CTNNA3: variants seen among roughly 807,000 people sequenced by gnomAD.
The protein encoded by CTNNA3 is catenin alpha-3.
CTNNA3 carries 76 observed loss-of-function variants against 95.7 expected under a neutral mutation model. That is an observed-to-expected ratio of 0.79 (90% CI 0.66 to 0.96). The LOEUF is 0.96. CTNNA3 is among the 40% of genes least tolerant of loss of function. CTNNA3 has a pLI of 0.00. For missense variants in CTNNA3, 1,191 were observed against 1,089.8 expected (o/e 1.09, Z -1.31); for synonymous variants, 431 against 374.4 (o/e 1.15, Z -1.74).
intron 13 of CTNNA3, among the ~76,000 whole-genome samples, chr10:66,207,535 CT>C (rs1189249872): frequency 6.6e-6 from 1 of 151,988 alleles, no homozygotes. Context: ...TAGCCATATT[CT>C]TTGCTCTCAT....
chr10:66,432,268 C>T (rs924107818), intron 11 of CTNNA3, among the ~76,000 whole-genome samples: 1 of 152,028 alleles, frequency 6.6e-6, no homozygotes, highest in African/African-American at 2.4e-5. Flanking sequence ...AGAAGAAAGC[C>T]ACAATTAAAT....
At chr10:67,296,524 T>A (rs1456806249) in intron 5 of CTNNA3, among the ~76,000 whole-genome samples, 8 of 152,210 alleles carry the variant, frequency 5.3e-5, no homozygotes, top group Non-Finnish European at 1.2e-4. Context: ...CAAATCAATA[T>A]TTGGACTTTG....
At chr10:67,727,163 A>ATATGATACATATATTATATAATTAT (rs1564841630) in intron 1 of CTNNA3, among the ~76,000 whole-genome samples, 2 of 122,632 alleles carry the variant, frequency 1.6e-5, no homozygotes, top group African/African-American at 6.5e-5. Context: ...AATTATATAT[A>ATATGATACATATATTATATAATTAT]ATATATGATA....
intron 3 of CTNNA3, among the ~76,000 whole-genome samples, chr10:67,567,244 T>C (rs1456552791): frequency 7.1e-6 from 1 of 141,484 alleles, no homozygotes; most frequent in Non-Finnish European, 1.5e-5. Context: ...AAATAAGAAA[T>C]GAGAAAATGG....
intron 2 of CTNNA3, among the ~76,000 whole-genome samples, chr10:67,619,304 C>T (rs752851153): frequency 7.4e-4 from 113 of 152,184 alleles, no homozygotes; most frequent in Non-Finnish European, 1.1e-3. Flanking sequence ...GAACCCAATA[C>T]CAAATCCATA....
intron 5 of CTNNA3, among the ~76,000 whole-genome samples, chr10:67,229,721 C>T (rs963543642): frequency 6.6e-6 from 1 of 151,946 alleles, no homozygotes; most frequent in African/African-American, 2.4e-5. Context: ...TTTACAATTG[C>T]TGCAAAAAAT....
intron 10 of CTNNA3, among the ~76,000 whole-genome samples, chr10:66,606,358 T>C (rs889114809): frequency 6.6e-6 from 1 of 151,924 alleles, no homozygotes; most frequent in Non-Finnish European, 1.5e-5. Flanking sequence ...TATTAGATCA[T>C]TGAGGCAGAA....
chr10:67,120,215 T>G (rs1159564797), intron 7 of CTNNA3, among the ~76,000 whole-genome samples: 2 of 151,952 alleles, frequency 1.3e-5, no homozygotes, highest in Non-Finnish European at 1.5e-5. Flanking sequence ...AAATGACTTT[T>G]TCTACTTGCA....
At chr10:66,870,062 G>A (rs1844337563) in intron 7 of CTNNA3, among the ~76,000 whole-genome samples, 1 of 152,018 alleles carries the variant, frequency 6.6e-6, no homozygotes, top group East Asian at 1.9e-4. Context: ...ATTTTTATAG[G>A]ATTTACCATG....
At chr10:66,904,592 G>A (rs1845903196) in intron 7 of CTNNA3, among the ~76,000 whole-genome samples, 2 of 152,090 alleles carry the variant, frequency 1.3e-5, no homozygotes, top group South Asian at 2.1e-4. Context: ...GCTACAGAAT[G>A]GGAGAAAAAT....
intron 1 of CTNNA3, among the ~76,000 whole-genome samples, chr10:67,677,978 A>G (rs571957928): frequency 3.9e-5 from 6 of 152,304 alleles, no homozygotes; most frequent in African/African-American, 1.4e-4. Flanking sequence ...GAAACTTAAC[A>G]AGATACTTGT....
chr10:66,968,007 G>C (rs1849529212), intron 7 of CTNNA3, among the ~76,000 whole-genome samples: 1 of 151,978 alleles, frequency 6.6e-6, no homozygotes, highest in Non-Finnish European at 1.5e-5. Context: ...TTATATAAAA[G>C]TCTAAGTCTA....
intron 7 of CTNNA3, among the ~76,000 whole-genome samples, chr10:66,777,567 T>A (rs1022184414): frequency 3.9e-5 from 6 of 152,098 alleles, no homozygotes; most frequent in Non-Finnish European, 7.4e-5. Flanking sequence ...TATGAAGAGC[T>A]AACTCATGAC....
intron 5 of CTNNA3, among the ~76,000 whole-genome samples, chr10:67,387,927 G>C (rs1406855167): frequency 2.0e-5 from 3 of 152,004 alleles, no homozygotes; most frequent in East Asian, 1.9e-4. Flanking sequence ...CATCATCAAA[G>C]ACCAAAAGTA....
intron 10 of CTNNA3, among the ~76,000 whole-genome samples, chr10:66,595,437 G>T (rs185743273): frequency 1.3e-5 from 2 of 151,928 alleles, no homozygotes; most frequent in East Asian, 3.9e-4. Context: ...TCTACCTCCC[G>T]GGTTCCAGCA....
intron 5 of CTNNA3, among the ~76,000 whole-genome samples, chr10:67,312,339 G>A (rs1011549300): frequency 1.6e-4 from 24 of 152,064 alleles, no homozygotes; most frequent in African/African-American, 5.6e-4. Flanking sequence ...CCAAAGTGCT[G>A]AGATTATAGG....
At chr10:66,724,341 G>T (rs1848717568) in intron 9 of CTNNA3, among the ~76,000 whole-genome samples, 1 of 152,178 alleles carries the variant, frequency 6.6e-6, no homozygotes, top group African/African-American at 2.4e-5. Flanking sequence ...TCCCATTGCA[G>T]TTAACAAATG....
At chr10:67,248,820 C>T (rs573124415) in intron 5 of CTNNA3, among the ~76,000 whole-genome samples, 67 of 152,254 alleles carry the variant, frequency 4.4e-4, no homozygotes, top group African/African-American at 1.4e-3. Flanking sequence ...ACCATTTATG[C>T]CTGTCTCAAC....
chr10:66,929,575 C>T (rs1847255745), intron 7 of CTNNA3, among the ~76,000 whole-genome samples: 1 of 152,102 alleles, frequency 6.6e-6, no homozygotes, highest in South Asian at 2.1e-4. Flanking sequence ...TTGAAAAGGA[C>T]GACTTTGATA....
Sources: allele counts gnomAD v4.1 joint callset (sites outside exome capture counted in the v4.1 genomes callset), GRCh38; gene constraint gnomAD v4.1.1; transcripts MANE v1.5; gene names NCBI Gene and HGNC (gene_info 2026-07-23, HGNC 2026-07-21).